RERE: variants seen among roughly 807,000 people sequenced by gnomAD.
RERE encodes arginine-glutamic acid dipeptide repeats protein.
A neutral mutation model predicts 146.1 loss-of-function variants in RERE; 40 were observed. That is an observed-to-expected ratio of 0.27 (90% CI 0.21 to 0.36). The LOEUF is 0.36. RERE is among the 10% of genes least tolerant of loss of function. The pLI, the probability that RERE is intolerant of heterozygous loss-of-function variation, is 1.00. For synonymous variants in RERE, 1,003 were observed against 866.0 expected (o/e 1.16, Z -2.78); for missense variants, 1,933 against 2,138.7 (o/e 0.90, Z 1.90).
rs373408244 is a variant in RERE at position 8,531,072 on chromosome 1, A to T, written c.830+10142T>A. Among the ~76,000 whole-genome samples the T allele has an allele frequency of 9.1e-4, 119 of 130,966 alleles. 1 individual carries two copies. The highest frequency in any genetic ancestry group is 2.7e-3 in the African/African-American group (91 of 33,290). The allele number at this position is 130,966 out of a possible 152,430, so 85.9% of individuals were successfully genotyped here. A position where few individuals can be genotyped will look rare whatever the true frequency, so the allele number is the denominator to read the frequency against. On this transcript the variant is annotated intron_variant, in intron 7 of 22. Coordinates refer to ENST00000400908, the MANE Select transcript of RERE (RefSeq NM_001042681.2). ...ATCTATCTATCTATCTATCTATCTAACTTTCTATCTATCTGTCCATCTTTC... is the reference window on the plus strand; with the variant it reads ...ATCTATCTATCTATCTATCTATCTATCTTTCTATCTATCTGTCCATCTTTC...
At chr1:8,405,022 G>T (rs1043481863) in intron 12 of RERE, among the ~76,000 whole-genome samples, 1 of 152,188 alleles carries the variant, frequency 6.6e-6, no homozygotes, top group Non-Finnish European at 1.5e-5. Context: ...TGCTTTTTGG[G>T]GCGTGGGGGA....
At chr1:8,648,317 A>G (rs116397557) in intron 2 of RERE, among the ~76,000 whole-genome samples, 2,316 of 152,220 alleles carry the variant, frequency 0.015, 61 homozygotes, top group African/African-American at 0.053. Flanking sequence ...CTGCAGCCTC[A>G]ACCTTCCATG....
At chr1:8,644,920 T>G (rs532971928) in intron 2 of RERE, among the ~76,000 whole-genome samples, 12 of 152,368 alleles carry the variant, frequency 7.9e-5, no homozygotes, top group Non-Finnish European at 1.5e-4. Flanking sequence ...CTCTTCTTTT[T>G]TCTTCCACAC....
At chr1:8,361,540 T>C in intron 17 of RERE, 50 bp from the exon 18 acceptor site, 1 of 1,577,866 alleles carries the variant, frequency 6.3e-7, no homozygotes, top group South Asian at 1.1e-5. Context: ...CAGAGCCCTG[T>C]CTGCTCTGCA....
chr1:8,628,882 T>C (rs1183167822), intron 2 of RERE, among the ~76,000 whole-genome samples: 2 of 152,282 alleles, frequency 1.3e-5, no homozygotes, highest in Middle Eastern at 3.4e-3. Flanking sequence ...TTTTAGTCAG[T>C]AGGATCAATG....
chr1:8,613,773 G>T (rs1159959952), intron 4 of RERE, among the ~76,000 whole-genome samples: 1 of 151,936 alleles, frequency 6.6e-6, no homozygotes, highest in African/African-American at 2.4e-5. Context: ...TAACCCACTA[G>T]TCATTCAGAA....
intron 4 of RERE, among the ~76,000 whole-genome samples, chr1:8,558,393 A>G: frequency 6.6e-6 from 1 of 152,170 alleles, no homozygotes; most frequent in East Asian, 1.9e-4. Flanking sequence ...GAGTGCACTG[A>G]GGTTCCCTGC....
At chr1:8,522,906 G>C (rs1405965934) in intron 7 of RERE, among the ~76,000 whole-genome samples, 1 of 151,870 alleles carries the variant, frequency 6.6e-6, no homozygotes, top group African/African-American at 2.4e-5. Flanking sequence ...GTCAGGCCAG[G>C]CACGCTGGCC....
At chr1:8,388,051 A>T (rs1164375845) in intron 12 of RERE, among the ~76,000 whole-genome samples, 1 of 152,236 alleles carries the variant, frequency 6.6e-6, no homozygotes, top group Non-Finnish European at 1.5e-5. Flanking sequence ...CTCTATTCAT[A>T]CAAGGCTGTG....
At chr1:8,662,706 C>CA (rs1557465699) in intron 1 of RERE, among the ~76,000 whole-genome samples, 1 of 151,580 alleles carries the variant, frequency 6.6e-6, no homozygotes, top group African/African-American at 2.4e-5. Context: ...TCTTAAAAAA[C>CA]AAAAAAAGAA....
chr1:8,369,660 T>G (rs886487170), intron 12 of RERE, among the ~76,000 whole-genome samples: 25 of 151,996 alleles, frequency 1.6e-4, no homozygotes, highest in Non-Finnish European at 2.4e-4. Flanking sequence ...CATCCACTGC[T>G]GGTGGAAATA....
intron 1 of RERE, among the ~76,000 whole-genome samples, chr1:8,758,032 TAGAA>T (rs1369533870): frequency 6.6e-6 from 1 of 152,052 alleles, no homozygotes; most frequent in East Asian, 1.9e-4. Context: ...AAGTCAGACA[TAGAA>T]AGACAGATAC....
intron 11 of RERE, among the ~76,000 whole-genome samples, chr1:8,431,509 TAATAGA>T (rs1557629128): frequency 6.6e-6 from 1 of 152,138 alleles, no homozygotes; most frequent in Non-Finnish European, 1.5e-5. Context: ...AATGTAATAA[TAATAGA>T]AATAAAGTGC....
chr1:8,709,407 G>A (rs916935727), intron 1 of RERE, among the ~76,000 whole-genome samples: 3 of 151,786 alleles, frequency 2.0e-5, no homozygotes, highest in Non-Finnish European at 2.9e-5. Context: ...GGTGAGCCAC[G>A]GCACCCAGCT....
chr1:8,386,006 ATATATATATATATATATTTTTTTT>A (rs1642649421), intron 12 of RERE, among the ~76,000 whole-genome samples: 4 of 38,262 alleles, frequency 1.0e-4, no homozygotes, highest in South Asian at 1.2e-3. Flanking sequence ...ATATATATAT[ATATATATATATATATATTTTTTTT>A]TTTTTTTTTT....
chr1:8,598,504 ACT>A (rs1646582702), intron 4 of RERE, among the ~76,000 whole-genome samples: 2 of 151,962 alleles, frequency 1.3e-5, no homozygotes, highest in African/African-American at 2.4e-5. Context: ...ACCAGACCTG[ACT>A]CTGTTTCTTC....
At chr1:8,694,313 C>T (rs1258472989) in intron 1 of RERE, among the ~76,000 whole-genome samples, 1 of 152,172 alleles carries the variant, frequency 6.6e-6, no homozygotes, top group East Asian at 1.9e-4. Flanking sequence ...CAAAACTCAG[C>T]AGTATGTCTA....
chr1:8,470,918 A>C (rs1049770746), intron 10 of RERE, among the ~76,000 whole-genome samples: 4 of 131,356 alleles, frequency 3.0e-5, no homozygotes, highest in Non-Finnish European at 4.6e-5. Context: ...TCCCAGGTTC[A>C]AGCGATTCTC....
chr1:8,380,908 C>T, intron 12 of RERE: 2 of 456,760 alleles, frequency 4.4e-6, no homozygotes, highest in Non-Finnish European at 8.8e-6. Flanking sequence ...TCTGCCAGGG[C>T]TTGGGAGCCT....
Sources: gnomAD v4.1 joint callset for allele counts (sites outside exome capture counted in the v4.1 genomes callset) on GRCh38, gnomAD v4.1.1 for gene constraint, MANE v1.5 for transcripts, NCBI Gene and HGNC (gene_info 2026-07-23, HGNC 2026-07-21) for gene names.